The following STAG1 variants were observed in gnomAD, a reference collection of about 807,000 sequenced individuals.
STAG1 encodes the protein cohesin subunit SA-1.
Under a neutral mutation model 170.9 loss-of-function variants are expected in STAG1, and 26 were observed. That is an observed-to-expected ratio of 0.15 (90% CI 0.11 to 0.21). The LOEUF is 0.21. Ranked by LOEUF, STAG1 falls within the 10% of genes least tolerant of loss-of-function variation. STAG1 has a pLI of 1.00. For missense variants in STAG1, 964 were observed against 1,509.5 expected, an observed-to-expected ratio of 0.64 and a Z score of 5.99; for synonymous variants, 514 against 497.7, an observed-to-expected ratio of 1.03 and a Z score of -0.44.
chr3:136,583,822 A>G (rs1937670074), intron 4 of STAG1, among the ~76,000 whole-genome samples: 1 of 152,140 alleles, frequency 6.6e-6, no homozygotes, highest in Non-Finnish European at 1.5e-5. Flanking sequence ...ACAAAAACAA[A>G]AAAACAAACC....
intron 13 of STAG1, among the ~76,000 whole-genome samples, chr3:136,459,404 T>C (rs570593118): frequency 6.4e-4 from 97 of 152,136 alleles, no homozygotes; most frequent in African/African-American, 2.2e-3. Flanking sequence ...TGCAATGTAA[T>C]AGGAGTAGTA....
intron 22 of STAG1, among the ~76,000 whole-genome samples, chr3:136,390,691 C>A (rs1412782982): frequency 2.0e-5 from 3 of 152,200 alleles, no homozygotes; most frequent in Admixed American, 6.5e-5. Flanking sequence ...TTATTTCTCA[C>A]GCCTGGCCCC....
intron 21 of STAG1, among the ~76,000 whole-genome samples, chr3:136,405,610 C>T (rs1433325858): frequency 1.3e-5 from 2 of 151,276 alleles, no homozygotes; most frequent in East Asian, 3.9e-4. Flanking sequence ...ACTCCCAGCA[C>T]TTTGGGAGGC....
intron 4 of STAG1, among the ~76,000 whole-genome samples, chr3:136,569,364 T>G (rs1447331136): frequency 7.0e-6 from 1 of 142,130 alleles, no homozygotes; most frequent in Non-Finnish European, 1.5e-5. Flanking sequence ...CAATTATATA[T>G]CAAATCAGAT....
intron 15 of STAG1, among the ~76,000 whole-genome samples, chr3:136,443,058 G>A (rs2088677669): frequency 6.6e-6 from 1 of 152,132 alleles, no homozygotes. Context: ...ACTATTACAT[G>A]ACACGCATGG....
rs578068721 is a variant in STAG1, at chr3:136,369,034, A to T, written c.2545+74T>A. 9 of 1,327,006 alleles carry T rather than the reference A, an allele frequency of 6.8e-6. No homozygotes were observed. The African/African-American group carries it at 9.2e-5, about 14-fold the overall frequency. 82.2% of individuals were successfully genotyped at this position (1,327,006 alleles called of 1,614,324 possible). The stretch of plus-strand genomic sequence containing the variant: ...AAATCTCGATAATTTTTAGAACTGA[A>T]TTTGTTTCTTTTCTCCTATCTTTTG... On this transcript the variant is annotated intron_variant, in intron 24 of 33. Transcript: ENST00000383202.
intron 29 of STAG1, among the ~76,000 whole-genome samples, chr3:136,345,188 C>G: frequency 6.6e-6 from 1 of 152,152 alleles, no homozygotes; most frequent in Middle Eastern, 3.2e-3. Flanking sequence ...CTCCTAAGTT[C>G]AAGTGATTCT....
At chr3:136,492,563 A>G (rs1436192693) in intron 9 of STAG1, among the ~76,000 whole-genome samples, 1 of 152,228 alleles carries the variant, frequency 6.6e-6, no homozygotes, top group East Asian at 1.9e-4. Context: ...AATGATTTTT[A>G]GATGTTGGAT....
rs534237893 is a variant in STAG1 at position 136,644,257 on chromosome 3, T to C, written c.-83-13276A>G. On this transcript the variant is annotated intron_variant, in intron 1 of 33. Transcript: ENST00000383202. Reference sequence around the variant, plus strand: ...TGAGGATGGTTCAAGAACTGGAGTATTCCCCCAACAGAAGGTTTTTCAGAA... The same window carrying C: ...TGAGGATGGTTCAAGAACTGGAGTACTCCCCCAACAGAAGGTTTTTCAGAA... Among the ~76,000 whole-genome samples, 15 of 152,322 alleles carry C rather than the reference T, an allele frequency of 9.8e-5. No homozygotes were observed. The South Asian group carries it at 3.1e-3, about 32-fold the overall frequency.
At chr3:136,701,321 A>G (rs1398653285) in intron 1 of STAG1, among the ~76,000 whole-genome samples, 1 of 152,066 alleles carries the variant, frequency 6.6e-6, no homozygotes, top group Non-Finnish European at 1.5e-5. Flanking sequence ...TTTTGTAAAA[A>G]CTGAATTTTA....
chr3:136,654,728 A>G (rs1487502410), intron 1 of STAG1, among the ~76,000 whole-genome samples: 5 of 152,206 alleles, frequency 3.3e-5, no homozygotes, highest in African/African-American at 7.2e-5. Context: ...AAGCTGGAAG[A>G]CTCACACTTC....
intron 30 of STAG1, 90 bp from the exon 31 acceptor site, chr3:136,341,641 T>A: frequency 2.5e-6 from 2 of 790,286 alleles, no homozygotes; most frequent in South Asian, 1.6e-5. Flanking sequence ...GTAGGTTTAC[T>A]TAATCCCATG....
At chr3:136,647,718 T>A (rs1435211543) in intron 1 of STAG1, among the ~76,000 whole-genome samples, 2 of 152,242 alleles carry the variant, frequency 1.3e-5, no homozygotes, top group African/African-American at 4.8e-5. Flanking sequence ...CTATCCCTTA[T>A]CACTTAAAAC....
At chr3:136,471,239 G>T (rs567428674) in intron 12 of STAG1, among the ~76,000 whole-genome samples, 1 of 151,948 alleles carries the variant, frequency 6.6e-6, no homozygotes, top group East Asian at 1.9e-4. Flanking sequence ...CTTTAAAAAA[G>T]ATGAGAATTC....
At chr3:136,514,857 A>G (rs1026611521) in intron 7 of STAG1, among the ~76,000 whole-genome samples, 4 of 152,114 alleles carry the variant, frequency 2.6e-5, no homozygotes, top group Non-Finnish European at 5.9e-5. Context: ...GTGGGAATTG[A>G]ACACTGAGAA....
chr3:136,400,040 A>G (rs2087274522), intron 21 of STAG1, among the ~76,000 whole-genome samples: 1 of 151,658 alleles, frequency 6.6e-6, no homozygotes, highest in South Asian at 2.1e-4. Flanking sequence ...CTCTCGCCTC[A>G]GCCTCCCAAA....
At chr3:136,573,194 TAA>T (rs11338336) in intron 4 of STAG1, among the ~76,000 whole-genome samples, 144 of 142,676 alleles carry the variant, frequency 1.0e-3, no homozygotes, top group African/African-American at 2.4e-3. Flanking sequence ...AGAAAAGGAT[TAA>T]AAAAAAAAAA....
intron 1 of STAG1, among the ~76,000 whole-genome samples, chr3:136,704,753 TG>T (rs1225909593): frequency 7.4e-6 from 1 of 134,498 alleles, no homozygotes; most frequent in Non-Finnish European, 1.5e-5. Context: ...CGCTTGAGCC[TG>T]GGGGGTTGCA....
intron 1 of STAG1, among the ~76,000 whole-genome samples, chr3:136,684,593 A>G (rs1164027802): frequency 4.6e-5 from 7 of 151,942 alleles, no homozygotes; most frequent in Non-Finnish European, 1.0e-4. Context: ...CTACTAAAAA[A>G]TACAAAAATT....
Sources: allele counts gnomAD v4.1 joint callset (sites outside exome capture counted in the v4.1 genomes callset), GRCh38; gene constraint gnomAD v4.1.1; transcripts MANE v1.5; gene names NCBI Gene and HGNC (gene_info 2026-07-23, HGNC 2026-07-21).